DOP1B: variants seen among roughly 807,000 people sequenced by gnomAD.
DOP1B encodes protein DOP1B.
A neutral mutation model predicts 233.5 loss-of-function variants in DOP1B; 174 were observed. The ratio of observed to expected loss-of-function variants is 0.75; its 90% confidence interval spans 0.66 to 0.85. DOP1B has a LOEUF of 0.85. Among genes scored for constraint, DOP1B ranks in the 40% least tolerant of loss-of-function variants. DOP1B has a pLI of 0.00. For missense variants in DOP1B, 2,652 were observed against 2,846.6 expected (o/e 0.93, Z 1.56); for synonymous variants, 1,190 against 1,185.6 (o/e 1.00, Z -0.08).
At chr21:36,271,664 C>A (rs2067291001) in intron 27 of DOP1B, among the ~76,000 whole-genome samples, 1 of 152,040 alleles carries the variant, frequency 6.6e-6, no homozygotes, top group African/African-American at 2.4e-5. Context: ...CACCGGGACC[C>A]CTTAGCTGGT....
chr21:36,209,357 C>T (rs377432925), intron 5 of DOP1B, among the ~76,000 whole-genome samples: 42 of 152,262 alleles, frequency 2.8e-4, no homozygotes, highest in African/African-American at 9.9e-4. Flanking sequence ...GCCTGCCTGG[C>T]GGGTGATCCA....
In DOP1B at chr21:36,239,803, A is replaced by G; in HGVS notation, c.2915A>G (p.Asp972Gly). Residue 972 changes from aspartate (D) to glycine (G), a missense_variant, in exon 18 of 37, where the codon GAT becomes GGT. Transcript: ENST00000691173. ...GTGCTGGACAGCCTGGCCTGCACGG[A>G]TGGTGCCATCGGTGCGGCAGCCCAG... ...FVVLDSLACTDGAIGAAAQGW... is the reference protein window; with the variant it reads ...FVVLDSLACTGGAIGAAAQGW... 6.4e-7 allele frequency: 1 copy of G among 1,559,768 alleles called. No individual in the cohort carries two copies. Among genetic ancestry groups the G allele is most frequent in the East Asian group, 2.4e-5 (1 of 41,608 alleles).
intron 18 of DOP1B, among the ~76,000 whole-genome samples, chr21:36,241,435 A>G (rs1056369428): frequency 6.6e-6 from 1 of 151,950 alleles, no homozygotes; most frequent in African/African-American, 2.4e-5. Flanking sequence ...TCAAGGGTGA[A>G]GGAAAAAAAG....
Position 36,232,973 on chromosome 21 carries a change from C to T in DOP1B, c.2520C>T (p.Ser840=). ...VIEDKMKRYK[S]SGHNPFFGKL... is the part of the protein sequence containing the mutation. Reference sequence around the variant, plus strand: ...AAGACAAGATGAAACGCTATAAGAGCTCTGGACACAACCCTTTTTTTGGCA... The same window carrying T: ...AAGACAAGATGAAACGCTATAAGAGTTCTGGACACAACCCTTTTTTTGGCA... Residue 840 remains serine (S), a synonymous_variant, in exon 15 of 37, where the codon AGC becomes AGT. Transcript: ENST00000691173. 1 of 1,614,112 alleles carries T rather than the reference C, an allele frequency of 6.2e-7. No individual in the cohort carries two copies. Among genetic ancestry groups the T allele is most frequent in the Non-Finnish European group, 8.5e-7 (1 of 1,180,036 alleles).
At chr21:36,190,027 A>G (rs1240043482) in intron 2 of DOP1B, among the ~76,000 whole-genome samples, 1 of 137,812 alleles carries the variant, frequency 7.3e-6, no homozygotes, top group East Asian at 2.2e-4. Flanking sequence ...AAAAAAAAAA[A>G]TGATTTTCAG....
rs753367036 is a variant in DOP1B, at chr21:36,211,635, C to T, written c.764C>T (p.Pro255Leu). 6.2e-7 allele frequency: 1 copy of T among 1,614,058 alleles called. No homozygotes were observed. Among genetic ancestry groups the T allele is most frequent in the Non-Finnish European group, 8.5e-7 (1 of 1,179,982 alleles). ...NNLEIVLFFF[P>L]FYTCLDSNER... ...CTGGAAATCGTTCTGTTTTTCTTCC[C>T]ATTTTATACCTGTCTGGTAAGTAAT... is the stretch of plus-strand genomic sequence containing the variant. Residue 255 changes from proline to leucine, a missense_variant, in exon 6 of 37, where the codon CCA becomes CTA. By Grantham distance (98) the Pro-to-Leu change is moderately conservative. Transcript: ENST00000691173.
At chr21:36,208,035 C>T (rs1233859012) in intron 4 of DOP1B, among the ~76,000 whole-genome samples, 2 of 152,156 alleles carry the variant, frequency 1.3e-5, no homozygotes, top group Non-Finnish European at 2.9e-5. Flanking sequence ...CTTTGTATCA[C>T]GGGAGACCTA....
intron 30 of DOP1B, among the ~76,000 whole-genome samples, chr21:36,279,570 C>T (rs944399727): frequency 4.6e-5 from 7 of 152,352 alleles, no homozygotes; most frequent in South Asian, 2.1e-4. Context: ...TGTGGCCTCC[C>T]TCCACGTGAT....
rs1362170001 is a variant in DOP1B, at chr21:36,245,112, G to A, written c.3132G>A (p.Glu1044=). Residue 1044 remains glutamate (E), a synonymous_variant, in exon 19 of 37, where the codon GAG becomes GAA. Coordinates refer to ENST00000691173, the MANE Select transcript of DOP1B (RefSeq NM_001320714.2). The surrounding 1 kb of genome is among the most constrained non-coding windows in gnomAD (Gnocchi z 5.5). The part of the protein sequence containing the change: ...TSFREACAVP[E]PQESGSEEHL... ...TCAGAGAGGCATGCGCAGTGCCCGAGCCTCAGGAGAGCGGCTCTGAAGAGC... is the reference window on the plus strand; with the variant it reads ...TCAGAGAGGCATGCGCAGTGCCCGAACCTCAGGAGAGCGGCTCTGAAGAGC... 1.2e-6 allele frequency: 2 copies of A among 1,613,354 alleles called. No individual in the cohort carries two copies. The highest frequency in any genetic ancestry group is 4.5e-5 in the East Asian group (2 of 44,866).
At chr21:36,256,734 C>G (rs955349209) in intron 23 of DOP1B, among the ~76,000 whole-genome samples, 1 of 149,514 alleles carries the variant, frequency 6.7e-6, no homozygotes, top group Non-Finnish European at 1.5e-5. Flanking sequence ...ATAAGCCAGT[C>G]ACAAGAGGAC....
intron 4 of DOP1B, among the ~76,000 whole-genome samples, chr21:36,205,235 C>T (rs923332136): frequency 2.0e-5 from 3 of 152,200 alleles, no homozygotes; most frequent in African/African-American, 7.2e-5. Context: ...CTCACCTGCT[C>T]TCAGTTGTGG....
Position 36,293,383 on chromosome 21 carries a change from G to A in DOP1B, c.6709G>A (p.Val2237Ile), listed in dbSNP as rs1205472471. 6.2e-7 allele frequency: 1 copy of A among 1,614,160 alleles called. No individual in the cohort carries two copies. Among genetic ancestry groups the A allele is most frequent in the East Asian group, 2.2e-5 (1 of 44,876 alleles). The change falls in exon 37 of 37, where the codon GTT (valine) becomes ATT (isoleucine). Residue 2237 changes from valine (V) to isoleucine (I), a missense_variant. This residue lies in a region of DOP1B where 2,617 missense variants were observed against 2,794.3 expected (regional missense o/e 0.94). Coordinates refer to ENST00000691173, the MANE Select transcript of DOP1B (RefSeq NM_001320714.2). ...ATTCCCGCTTCTGCGCCAACATTCT[G>A]TTTCCAGCATCAGGCAGTTGATGCC... The part of the protein sequence containing the change: ...SEFPLLRQHS[V>I]SSIRQLMPFF...
At chr21:36,277,680 G>A (rs991067117) in intron 28 of DOP1B, among the ~76,000 whole-genome samples, 3 of 149,596 alleles carry the variant, frequency 2.0e-5, no homozygotes, top group Middle Eastern at 3.2e-3. Context: ...ATGGAGTCTC[G>A]CTCTGGAGTC....
chr21:36,292,786 G>A (rs1057026811), intron 36 of DOP1B, among the ~76,000 whole-genome samples: 3 of 151,840 alleles, frequency 2.0e-5, no homozygotes, highest in African/African-American at 7.3e-5. Context: ...GCTAATTTTT[G>A]TATTTTTAGT....
In DOP1B at chr21:36,277,082, C is replaced by A. The variant is rs770728924; in HGVS notation, c.5694C>A (p.Ala1898=). 7 of 1,614,022 alleles carry A rather than the reference C, an allele frequency of 4.3e-6. No homozygotes were observed. The South Asian group carries it at 7.7e-5, about 18-fold the overall frequency. The change falls in exon 28 of 37, where the codon GCC becomes GCA. Residue 1898 remains alanine, a synonymous_variant. Transcript: ENST00000691173. ...CCCCGTCGGTGTACAGCGTGCAAGC[C>A]CTCTCTCTCCTGGCAGAGGTAAATA... ...SSAPSVYSVQ[A]LSLLAEVLAS...
intron 1 of DOP1B, among the ~76,000 whole-genome samples, chr21:36,162,548 C>CT (rs11442193): frequency 0.015 from 2,194 of 149,050 alleles, 48 homozygotes; most frequent in African/African-American, 0.05. Context: ...TCTTCACTTT[C>CT]TTTTTTTTTT....
chr21:36,230,515 A>G lies in DOP1B; in HGVS notation c.1731A>G (p.Glu577=), dbSNP rs146880167. 20 of 1,613,758 alleles carry G rather than the reference A, an allele frequency of 1.2e-5. No individual in the cohort carries two copies. The highest frequency in any genetic ancestry group is 1.1e-5 in the South Asian group (1 of 91,090). The change falls in exon 14 of 37, where the codon GAA becomes GAG. Residue 577 remains glutamate, a synonymous_variant. Coordinates refer to ENST00000691173, the MANE Select transcript of DOP1B (RefSeq NM_001320714.2). ...CAAAGGCAGTGATTCCCGGTGACGA[A>G]GATGCTTCGTTTCCCCCTCTGAAGT... is the stretch of plus-strand genomic sequence containing the variant. The part of the protein sequence containing the change: ...LETKAVIPGD[E]DASFPPLKSE...
At chr21:36,260,174 A>G (rs2067152257) in intron 23 of DOP1B, among the ~76,000 whole-genome samples, 1 of 150,554 alleles carries the variant, frequency 6.6e-6, no homozygotes. Context: ...AAAAAAAAGG[A>G]AAGAAGGAAT....
chr21:36,161,115 T>G (rs2065865142), intron 1 of DOP1B, among the ~76,000 whole-genome samples: 1 of 146,650 alleles, frequency 6.8e-6, no homozygotes, highest in Non-Finnish European at 1.5e-5. Context: ...CAGATGGAAT[T>G]GAGAGTTTAC....
Sources: gnomAD v4.1 joint callset for allele counts (sites outside exome capture counted in the v4.1 genomes callset) on GRCh38, gnomAD v4.1.1 for gene constraint, gnomAD v4.1.1 regional missense constraint, Gnocchi (gnomAD v3.1) non-coding constraint, MANE v1.5 for transcripts, NCBI Gene and HGNC (gene_info 2026-07-23, HGNC 2026-07-21) for gene names.